Variants in EFCAB3 observed in about 807,000 individuals in gnomAD.
EFCAB3 encodes EF-hand calcium binding domain 3.
EFCAB3 carries 36 observed loss-of-function variants against 42.2 expected under a neutral mutation model. The ratio of observed to expected loss-of-function variants is 0.85; its 90% CI spans 0.65 to 1.13. The LOEUF (loss-of-function observed/expected upper bound fraction) is 1.13, where lower values mean the gene tolerates loss of function less well. Among genes scored for constraint, EFCAB3 ranks in the 50% most tolerant of loss-of-function variants. The pLI is 0.00. For synonymous variants in EFCAB3, 170 were observed against 172.8 expected, an observed-to-expected ratio of 0.98 and a Z score of 0.13; for missense variants, 418 against 505.1, an observed-to-expected ratio of 0.83 and a Z score of 1.65.
chr17:62,372,703 A>G (rs1003320019), intron 1 of EFCAB3, among the ~76,000 whole-genome samples: 3 of 152,288 alleles, frequency 2.0e-5, no homozygotes, highest in Admixed American at 1.3e-4. Flanking sequence ...ATCTCTCTGT[A>G]TCCTGCCTCT....
intron 8 of EFCAB3, among the ~76,000 whole-genome samples, chr17:62,412,381 A>C (rs1360405396): frequency 5.3e-5 from 8 of 151,578 alleles, no homozygotes; most frequent in Admixed American, 5.3e-4. Flanking sequence ...AAAAAAAAAA[A>C]AGAATGTTTG....
At chr17:62,415,098 C>T (rs548816753) in intron 9 of EFCAB3, among the ~76,000 whole-genome samples, 11 of 149,664 alleles carry the variant, frequency 7.3e-5, no homozygotes, top group South Asian at 2.1e-4. Flanking sequence ...GGCAAGACTC[C>T]GTCTCAAAAA....
chr17:62,395,748 A>C (rs2070343298), intron 6 of EFCAB3, among the ~76,000 whole-genome samples: 1 of 152,196 alleles, frequency 6.6e-6, no homozygotes, highest in Non-Finnish European at 1.5e-5. Context: ...CACCAACTGC[A>C]TTATTTATTC....
rs746062316 is a variant in EFCAB3 at position 62,370,274 on chromosome 17, C to A, written c.-15C>A. The stretch of plus-strand genomic sequence containing the variant: ...ATTTCTAGCAAGCGAAGGGATTGAG[C>A]TCACAGAAGAAGAAATGAAGGAGTT... On this transcript the variant is annotated 5_prime_UTR_variant, in exon 1 of 12. Coordinates refer to the EFCAB3 transcript ENST00000450662. 9.0e-6 allele frequency: 14 copies of A among 1,551,610 alleles called. No individual in the cohort carries two copies. The South Asian group carries it at 1.5e-4, about 17-fold the overall frequency.
At chr17:62,383,945 G>C in intron 2 of EFCAB3, among the ~76,000 whole-genome samples, 1 of 152,176 alleles carries the variant, frequency 6.6e-6, no homozygotes, top group African/African-American at 2.4e-5. Context: ...CTTTTTCTCA[G>C]TCACCTAACA....
At chr17:62,388,507 G>C (rs550370284) in intron 3 of EFCAB3, among the ~76,000 whole-genome samples, 1 of 152,310 alleles carries the variant, frequency 6.6e-6, no homozygotes, top group African/African-American at 2.4e-5. Context: ...TGTTTGGGTT[G>C]CATCTGGTTT....
chr17:62,414,735 C>A (rs1351199137), intron 9 of EFCAB3, among the ~76,000 whole-genome samples: 1 of 152,192 alleles, frequency 6.6e-6, no homozygotes, highest in Non-Finnish European at 1.5e-5. Context: ...AAGCCAGGAG[C>A]TATCCTTAAC....
At chr17:62,397,918 A>G (rs1598015075) in intron 6 of EFCAB3, 1 of 239,916 alleles carries the variant, frequency 4.2e-6, no homozygotes, top group Non-Finnish European at 8.0e-6. Flanking sequence ...CCAGCTACTC[A>G]GGAGGCTGAG....
chr17:62,398,464 G>GA (rs909580035), intron 6 of EFCAB3, among the ~76,000 whole-genome samples: 60 of 64,446 alleles, frequency 9.3e-4, no homozygotes, highest in South Asian at 2.0e-3. Context: ...AAAAAAAAAA[G>GA]AAAAAAAAAA....
chr17:62,379,414 CA>C (rs1418495823), upstream of EFCAB3, among the ~76,000 whole-genome samples: 24 of 38,670 alleles, frequency 6.2e-4, no homozygotes, highest in African/African-American at 1.2e-3. Flanking sequence ...AGTGAGACCT[CA>C]CCAAAAAAAA....
chr17:62,404,803 T>A (rs202173986), intron 6 of EFCAB3, among the ~76,000 whole-genome samples: 10,071 of 151,436 alleles, frequency 0.067, 444 homozygotes, highest in South Asian at 0.23. Flanking sequence ...TCTCAAAAAA[T>A]AATAATAATA....
intron 8 of EFCAB3, among the ~76,000 whole-genome samples, chr17:62,407,546 T>C (rs532402485): frequency 8.0e-4 from 122 of 152,178 alleles, no homozygotes; most frequent in Non-Finnish European, 1.5e-3. Context: ...CTCTAGATTG[T>C]GGTTGGGCAA....
At chr17:62,384,719 A>C (rs1598008044) in intron 2 of EFCAB3, among the ~76,000 whole-genome samples, 1 of 152,364 alleles carries the variant, frequency 6.6e-6, no homozygotes, top group African/African-American at 2.4e-5. Flanking sequence ...ATCATGCAAA[A>C]GAAATTTGTT....
intron 6 of EFCAB3, among the ~76,000 whole-genome samples, chr17:62,398,847 AT>A (rs1328023604): frequency 2.0e-5 from 3 of 152,218 alleles, no homozygotes; most frequent in African/African-American, 7.2e-5. Context: ...TAATTATTTA[AT>A]TTCCTGAGAA....
chr17:62,401,570 G>A (rs2070403339), intron 6 of EFCAB3, among the ~76,000 whole-genome samples: 1 of 152,198 alleles, frequency 6.6e-6, no homozygotes. Flanking sequence ...GCTTGTTTTT[G>A]TCAGTTTTGT....
chr17:62,378,127 C>G (rs977976811), upstream of EFCAB3: 1 of 881,964 alleles, frequency 1.1e-6, no homozygotes, highest in African/African-American at 1.7e-5. Flanking sequence ...CAGTTTCTAT[C>G]CTCCATCTAC....
At chr17:62,371,138 G>A (rs2070111858) in intron 1 of EFCAB3, among the ~76,000 whole-genome samples, 1 of 151,964 alleles carries the variant, frequency 6.6e-6, no homozygotes, top group African/African-American at 2.4e-5. Context: ...TTCAAGAATA[G>A]GGTAGAGCCT....
chr17:62,402,716 A>G (rs1314484247), intron 6 of EFCAB3, among the ~76,000 whole-genome samples: 4 of 152,178 alleles, frequency 2.6e-5, no homozygotes, highest in Admixed American at 6.6e-5. Flanking sequence ...GGATTTTCGC[A>G]TCGATGTTCA....
At chr17:62,404,589 G>A (rs1225128583) in intron 6 of EFCAB3, among the ~76,000 whole-genome samples, 1 of 152,036 alleles carries the variant, frequency 6.6e-6, no homozygotes, top group Non-Finnish European at 1.5e-5. Context: ...TTGAGGTTGG[G>A]AGTTCAAGAC....
Sources: gnomAD v4.1 joint callset for allele counts (sites outside exome capture counted in the v4.1 genomes callset) on GRCh38, gnomAD v4.1.1 for gene constraint, MANE v1.5 for transcripts, NCBI Gene and HGNC (gene_info 2026-07-23, HGNC 2026-07-21) for gene names.